The following CCDC192 variants were observed in gnomAD, a reference collection of about 807,000 sequenced individuals.
CCDC192 encodes the protein coiled-coil domain-containing protein 192.
chr5:127,708,312 G>C (rs12515664), intron 2 of CCDC192, among the ~76,000 whole-genome samples: 8,427 of 152,216 alleles, frequency 0.055, 541 homozygotes, highest in East Asian at 0.27. Context: ...AGCACCACTG[G>C]GTCCCTCCCT....
At chr5:127,841,668 T>G (rs1189978952) in intron 5 of CCDC192, among the ~76,000 whole-genome samples, 7 of 152,120 alleles carry the variant, frequency 4.6e-5, no homozygotes, top group Admixed American at 1.3e-4. Flanking sequence ...CTGAGCTGCT[T>G]CTTAACATAT....
chr5:127,706,183 A>G (rs1750947071), intron 1 of CCDC192, among the ~76,000 whole-genome samples: 1 of 152,208 alleles, frequency 6.6e-6, no homozygotes, highest in African/African-American at 2.4e-5. Flanking sequence ...CAATGTATTC[A>G]TGAGGAAGAT....
chr5:127,821,462 C>CTGG (rs1171364036), intron 5 of CCDC192, among the ~76,000 whole-genome samples: 1 of 152,172 alleles, frequency 6.6e-6, no homozygotes, highest in Non-Finnish European at 1.5e-5. Flanking sequence ...TGACAAGAGA[C>CTGG]TGGAGAATTC....
chr5:127,923,672 C>T lies in CCDC192; in HGVS notation c.536-17510C>T, dbSNP rs150542620. Among the ~76,000 whole-genome samples, 45 of 152,238 alleles carry T rather than the reference C, an allele frequency of 3.0e-4. No homozygotes were observed. In the East Asian group the frequency reaches 7.9e-3, roughly 27 times the overall value. On this transcript the variant is annotated intron_variant, in intron 6 of 6. Coordinates refer to ENST00000514853, the MANE Select transcript of CCDC192 (RefSeq NM_001317938.2). ...GATTACAGGCGTGAGCCTCCGCGCC[C>T]GGCCTTTTCATTAGTCTTAACCAAT...
chr5:127,770,564 T>C (rs1283892382), intron 3 of CCDC192, among the ~76,000 whole-genome samples: 1 of 152,224 alleles, frequency 6.6e-6, no homozygotes, highest in African/African-American at 2.4e-5. Context: ...CTGTAAGTGA[T>C]TTCCCCTTGC....
intron 6 of CCDC192, among the ~76,000 whole-genome samples, chr5:127,923,406 C>T (rs370179391): frequency 5.4e-5 from 8 of 147,708 alleles, no homozygotes; most frequent in South Asian, 2.1e-4. Flanking sequence ...GAGACAGAGT[C>T]TCACTCTGCC....
chr5:127,821,531 C>T (rs1749287975), intron 5 of CCDC192, among the ~76,000 whole-genome samples: 1 of 152,188 alleles, frequency 6.6e-6, no homozygotes, highest in Non-Finnish European at 1.5e-5. Flanking sequence ...TAATGTAGCT[C>T]CCAATCTGGC....
chr5:127,888,529 A>T (rs1047640025), intron 6 of CCDC192, among the ~76,000 whole-genome samples: 3 of 152,178 alleles, frequency 2.0e-5, no homozygotes, highest in African/African-American at 7.2e-5. Flanking sequence ...TACTAGATCT[A>T]GTATCACTAT....
At chr5:127,940,551 G>C (rs945254215) in intron 6 of CCDC192, 1 of 152,156 alleles carries the variant, frequency 6.6e-6, no homozygotes, top group African/African-American at 2.4e-5. Flanking sequence ...CTGGGTTCAC[G>C]CCATTCTCCT....
At chr5:127,753,342 C>T (rs936623665) in intron 2 of CCDC192, among the ~76,000 whole-genome samples, 7 of 152,086 alleles carry the variant, frequency 4.6e-5, no homozygotes, top group African/African-American at 1.2e-4. Flanking sequence ...AAGGCCTGTA[C>T]CTTGTGTTTT....
intron 5 of CCDC192, among the ~76,000 whole-genome samples, chr5:127,859,278 C>A (rs908961286): frequency 6.6e-6 from 1 of 152,106 alleles, no homozygotes; most frequent in Non-Finnish European, 1.5e-5. Flanking sequence ...AATAATAAAA[C>A]ATGTTTGTTA....
intron 3 of CCDC192, among the ~76,000 whole-genome samples, chr5:127,778,403 G>GCC: frequency 6.6e-6 from 1 of 152,054 alleles, no homozygotes; most frequent in South Asian, 2.1e-4. Context: ...CTATCAATGT[G>GCC]ATCTATTGCC....
chr5:127,762,727 A>C (rs1239025391), intron 3 of CCDC192, among the ~76,000 whole-genome samples: 1 of 152,328 alleles, frequency 6.6e-6, no homozygotes, highest in African/African-American at 2.4e-5. Context: ...AAAAAGCCTC[A>C]TGCCTTAAGA....
intron 5 of CCDC192, among the ~76,000 whole-genome samples, chr5:127,832,117 T>C (rs1203809020): frequency 6.6e-6 from 1 of 151,890 alleles, no homozygotes; most frequent in Admixed American, 6.6e-5. Context: ...AAGTTACAAA[T>C]AAAACTGAAT....
chr5:127,939,770 G>A (rs141679518), intron 6 of CCDC192, among the ~76,000 whole-genome samples: 2 of 151,956 alleles, frequency 1.3e-5, no homozygotes, highest in Admixed American at 6.6e-5. Flanking sequence ...AATAGCAGCA[G>A]GCTTTTGTAT....
intron 3 of CCDC192, among the ~76,000 whole-genome samples, chr5:127,781,279 G>C (rs1195900191): frequency 6.6e-6 from 1 of 152,024 alleles, no homozygotes; most frequent in Non-Finnish European, 1.5e-5. Flanking sequence ...CTCCAAATTT[G>C]TTCTTTTTGT....
intron 3 of CCDC192, among the ~76,000 whole-genome samples, chr5:127,781,033 C>T (rs960443459): frequency 2.0e-5 from 3 of 152,126 alleles, no homozygotes; most frequent in Admixed American, 6.5e-5. Flanking sequence ...GATCTAGTTT[C>T]GTTCTCCTAC....
At chr5:127,702,992 G>A (rs769936649), upstream of CCDC192, among the ~76,000 whole-genome samples, 7 of 152,292 alleles carry the variant, frequency 4.6e-5, no homozygotes, top group South Asian at 4.2e-4. Context: ...TGGGGCCGGC[G>A]GGTCCCAGGG....
intron 6 of CCDC192, among the ~76,000 whole-genome samples, chr5:127,897,191 A>G (rs1400916678): frequency 6.6e-6 from 1 of 152,124 alleles, no homozygotes; most frequent in Admixed American, 6.5e-5. Flanking sequence ...CATCTAACGA[A>G]CTAGATATTA....
Sources: allele counts gnomAD v4.1 joint callset (sites outside exome capture counted in the v4.1 genomes callset), GRCh38; gene constraint gnomAD v4.1.1; transcripts MANE v1.5; gene names NCBI Gene and HGNC (gene_info 2026-07-23, HGNC 2026-07-21).